Variants in C22orf42 observed in about 807,000 individuals in gnomAD.
C22orf42 encodes the protein uncharacterized protein C22orf42.
C22orf42 carries 24 observed loss-of-function variants against 31.4 expected under a neutral mutation model. The ratio of observed to expected loss-of-function variants is 0.77; its 90% CI spans 0.55 to 1.08. The LOEUF (loss-of-function observed/expected upper bound fraction) is 1.08, where lower values mean the gene tolerates loss of function less well. Among genes scored for constraint, C22orf42 ranks in the 50% least tolerant of loss-of-function variants. C22orf42 has a pLI of 0.00. For synonymous variants in C22orf42, 96 were observed against 112.7 expected, an observed-to-expected ratio of 0.85 and a Z score of 0.94; for missense variants, 276 against 327.3, an observed-to-expected ratio of 0.84 and a Z score of 1.21.
At chr22:32,152,746 T>G in intron 2 of C22orf42, 120 bp from the exon 3 acceptor site, 1 of 882,498 alleles carries the variant, frequency 1.1e-6, no homozygotes, top group East Asian at 2.4e-5. Context: ...AGGCATGGAC[T>G]GAGCTGCTGC....
intron 7 of C22orf42, 88 bp downstream of exon 7, chr22:32,150,231 T>C: frequency 7.6e-7 from 1 of 1,318,412 alleles, no homozygotes; most frequent in South Asian, 1.3e-5. Flanking sequence ...ATAATATACA[T>C]GGTCAGATTT....
Position 32,159,302 on chromosome 22 carries a change from C to T in C22orf42, c.-87G>A, listed in dbSNP as rs1367628074. Reference sequence around the variant, plus strand: ...TCCTCCTTCTACGGCCAGCTACCGACTGAAGGCTGCTGGCCCTGGCCGTTG... The same window carrying T: ...TCCTCCTTCTACGGCCAGCTACCGATTGAAGGCTGCTGGCCCTGGCCGTTG... On this transcript the variant is annotated 5_prime_UTR_variant, in exon 1 of 9. Coordinates refer to ENST00000382097, the MANE Select transcript of C22orf42 (RefSeq NM_001010859.3). 5.9e-6 allele frequency: 9 copies of T among 1,536,284 alleles called. No individual in the cohort carries two copies. The highest frequency in any genetic ancestry group is 7.8e-6 in the Non-Finnish European group (9 of 1,148,128).
intron 7 of C22orf42, 35 bp from the exon 8 acceptor site, chr22:32,149,815 G>A (rs766559340): frequency 1.4e-5 from 20 of 1,470,340 alleles, no homozygotes; most frequent in Middle Eastern, 1.8e-4. Context: ...CATGAGGATC[G>A]GATCATGCTG....
intron 1 of C22orf42, among the ~76,000 whole-genome samples, chr22:32,157,961 G>A (rs1921358561): frequency 6.6e-6 from 1 of 152,276 alleles, no homozygotes; most frequent in African/African-American, 2.4e-5. Context: ...AAAAGTGCAG[G>A]GGGGCGGGGG....
upstream of C22orf42, chr22:32,159,561 G>A (rs1312755593): frequency 2.0e-5 from 20 of 983,524 alleles, no homozygotes; most frequent in Non-Finnish European, 2.3e-5. Context: ...GTTATTGGAA[G>A]TCACCCTGGG....
intron 5 of C22orf42, 108 bp downstream of exon 5, chr22:32,151,379 C>T (rs1920974462): frequency 8.7e-6 from 10 of 1,154,934 alleles, no homozygotes; most frequent in Admixed American, 7.4e-5. Flanking sequence ...GTCCATGACA[C>T]TGAGGCCTGA....
chr22:32,153,474 G>A (rs1603180128), intron 2 of C22orf42, among the ~76,000 whole-genome samples: 1 of 152,288 alleles, frequency 6.6e-6, no homozygotes, highest in Middle Eastern at 3.4e-3. Flanking sequence ...GATGAAATGA[G>A]CTAACTGTTA....
rs776072360 is a variant in C22orf42, at chr22:32,151,449, A to G, written c.465+38T>C. On this transcript the variant is annotated intron_variant, in intron 5 of 8. Transcript: ENST00000382097. ...TATTCTAGAAGCCTCAGAAAAAACA[A>G]AAAGCATTTCTCTTCCAGAGAAAGA... The G allele has an allele frequency of 4.4e-6, 7 of 1,598,060 alleles. No homozygotes were observed. The East Asian group carries it at 1.6e-4, about 36-fold the overall frequency.
chr22:32,154,645 C>G (rs1195242268), intron 1 of C22orf42, among the ~76,000 whole-genome samples: 2 of 152,166 alleles, frequency 1.3e-5, no homozygotes, highest in African/African-American at 4.8e-5. Context: ...TCTGCACATA[C>G]CTGGGAGAGT....
At chr22:32,154,363 A>G (rs1457402827) in intron 1 of C22orf42, 45 bp from the exon 2 acceptor site, 4 of 1,601,252 alleles carry the variant, frequency 2.5e-6, no homozygotes, top group Non-Finnish European at 3.4e-6. Flanking sequence ...GAAATGTATT[A>G]TAATAAAGAC....
upstream of C22orf42, chr22:32,159,451 G>A (rs1476247033): frequency 7.2e-7 from 1 of 1,389,722 alleles, no homozygotes; most frequent in South Asian, 1.5e-5. Flanking sequence ...CCCTGCTGCT[G>A]CCCACCTTGT....
chr22:32,149,667 ATCTACATATATG>A (rs2094108907), intron 8 of C22orf42, 54 bp from the exon 9 acceptor site: 1 of 1,236,760 alleles, frequency 8.1e-7, no homozygotes, highest in Non-Finnish European at 1.0e-6. Context: ...ATATATATAT[ATCTACATATATG>A]TATATCTACA....
At chr22:32,159,480 T>TG, upstream of C22orf42, 1 of 1,345,786 alleles carries the variant, frequency 7.4e-7, no homozygotes, top group Non-Finnish European at 9.6e-7. Context: ...TGTCCCTCTG[T>TG]GGTGACTGCA....
At chr22:32,154,624 C>A (rs371531000) in intron 1 of C22orf42, among the ~76,000 whole-genome samples, 1 of 147,144 alleles carries the variant, frequency 6.8e-6, no homozygotes, top group Non-Finnish European at 1.5e-5. Context: ...GGGTTCAAAT[C>A]CTACTTAGAA....
Position 32,152,049 on chromosome 22 carries a change from TA to T in C22orf42, c.400+17del, listed in dbSNP as rs200925446. On this transcript the variant is annotated intron_variant, in intron 4 of 8. Transcript: ENST00000382097. ...TCAACTACATGTAAATAAAGCTGTT[TA>T]AAAAAAAAATACGTACGGTGGTCGT... 4,370 of 1,360,524 alleles carry T rather than the reference TA, an allele frequency of 3.2e-3. 1 individual carries two copies. Among genetic ancestry groups the T allele is most frequent in the Admixed American group, 8.2e-3 (393 of 48,070 alleles). The allele number at this position is 1,360,524 out of a possible 1,614,324, so 84.3% of individuals were successfully genotyped here. A position where few individuals can be genotyped will look rare whatever the true frequency, so the allele number is the denominator to read the frequency against.
At chr22:32,157,967 G>A (rs1024344664) in intron 1 of C22orf42, among the ~76,000 whole-genome samples, 14 of 152,266 alleles carry the variant, frequency 9.2e-5, no homozygotes, top group South Asian at 2.1e-4. Context: ...GCAGGGGGGC[G>A]GGGGTTGTTA....
intron 1 of C22orf42, among the ~76,000 whole-genome samples, chr22:32,156,079 A>G (rs566722389): frequency 4.9e-4 from 74 of 152,276 alleles, no homozygotes; most frequent in South Asian, 3.3e-3. Context: ...TCTCCATTTT[A>G]TTTCTCATTA....
chr22:32,150,158 A>T (rs1426903049), intron 7 of C22orf42, among the ~76,000 whole-genome samples, 161 bp downstream of exon 7: 7 of 152,216 alleles, frequency 4.6e-5, no homozygotes, highest in Non-Finnish European at 1.0e-4. Flanking sequence ...CTGGTGGACG[A>T]TGGCAATCGA....
At chr22:32,156,093 A>G (rs1339332327) in intron 1 of C22orf42, among the ~76,000 whole-genome samples, 1 of 152,208 alleles carries the variant, frequency 6.6e-6, no homozygotes, top group African/African-American at 2.4e-5. Context: ...CTCATTATCT[A>G]ATGTTACTGT....
Sources: allele counts gnomAD v4.1 joint callset (sites outside exome capture counted in the v4.1 genomes callset), GRCh38; gene constraint gnomAD v4.1.1; transcripts MANE v1.5; gene names NCBI Gene and HGNC (gene_info 2026-07-23, HGNC 2026-07-21).